MYH9: variants seen among roughly 807,000 people sequenced by gnomAD.
The protein encoded by MYH9 is myosin heavy chain 9.
Under a neutral mutation model 241.9 loss-of-function variants are expected in MYH9, and 29 were observed. The ratio of observed to expected loss-of-function variants is 0.12; its 90% CI spans 0.09 to 0.16. The LOEUF is 0.16. Ranked by LOEUF, MYH9 falls within the 10% of genes least tolerant of loss-of-function variation. The probability of loss-of-function intolerance (pLI) is 1.00; values close to 1 mark genes in which losing one functional copy is unlikely to be tolerated. For synonymous variants in MYH9, 1,047 were observed against 1,062.6 expected (o/e 0.99, Z 0.29); for missense variants, 1,803 against 2,595.5 (o/e 0.69, Z 6.63).
At chr22:36,325,984 G>A (rs1603483553) in intron 5 of MYH9, among the ~76,000 whole-genome samples, 1 of 152,196 alleles carries the variant, frequency 6.6e-6, no homozygotes, top group South Asian at 2.1e-4. Context: ...GGCAGAACAC[G>A]CATTCCCAGT....
chr22:36,343,574 C>T (rs1271811140), intron 2 of MYH9, among the ~76,000 whole-genome samples: 1 of 149,216 alleles, frequency 6.7e-6, no homozygotes, highest in Non-Finnish European at 1.5e-5. Context: ...AAAAGAGCAG[C>T]TGAGCTTAGA....
At chr22:36,383,626 A>C (rs544082656) in intron 1 of MYH9, among the ~76,000 whole-genome samples, 3 of 147,518 alleles carry the variant, frequency 2.0e-5, no homozygotes, top group African/African-American at 7.4e-5. Flanking sequence ...CAACCTGATA[A>C]CCTAGGGAGT....
intron 19 of MYH9, among the ~76,000 whole-genome samples, chr22:36,303,707 C>T (rs1318217317): frequency 6.9e-6 from 1 of 145,496 alleles, no homozygotes; most frequent in Non-Finnish European, 1.5e-5. Context: ...ATCACTTGAA[C>T]GTGGGAGGTG....
At position 36,306,325 on chromosome 22, in the gene MYH9, G is replaced by A. The variant is rs866876609; in HGVS notation, c.2037+89C>T. On this transcript the variant is annotated intron_variant, in intron 16 of 40. Transcript: ENST00000216181. This position sits in a 1 kb window ranked among gnomAD's most constrained non-coding sequence, Gnocchi z 4.1. ...AAGGCTCTGTGCATGCTGGGGGGCTGGAGGGGTGCTTTTGCTGGGGAGACA... is the reference window on the plus strand; with the variant it reads ...AAGGCTCTGTGCATGCTGGGGGGCTAGAGGGGTGCTTTTGCTGGGGAGACA... The A allele has an allele frequency of 6.5e-7, 1 of 1,526,884 alleles. No individual in the cohort carries two copies. Among genetic ancestry groups the A allele is most frequent in the South Asian group, 1.1e-5 (1 of 87,150 alleles). The allele number at this position is 1,526,884 out of a possible 1,614,324, so 94.6% of individuals were successfully genotyped here. A position where few individuals can be genotyped will look rare whatever the true frequency, so the allele number is the denominator to read the frequency against.
At chr22:36,371,526 A>AT (rs1307701815) in intron 1 of MYH9, among the ~76,000 whole-genome samples, 5 of 151,580 alleles carry the variant, frequency 3.3e-5, no homozygotes, top group African/African-American at 1.2e-4. Context: ...AGCCTGAGCA[A>AT]TTTTTTTTTA....
At chr22:36,298,590 C>T (rs967457243) in intron 24 of MYH9, among the ~76,000 whole-genome samples, 12 of 152,086 alleles carry the variant, frequency 7.9e-5, no homozygotes, top group Non-Finnish European at 1.3e-4. Flanking sequence ...GGGTCAAACC[C>T]GGAGCCTCCT....
intron 31 of MYH9, among the ~76,000 whole-genome samples, chr22:36,290,804 G>A (rs927424944): frequency 9.3e-5 from 14 of 150,542 alleles, no homozygotes; most frequent in South Asian, 2.1e-4. Flanking sequence ...CCGCCGCCCC[G>A]TCTGGGATGT....
In MYH9 at chr22:36,353,770, T is replaced by C. The variant is rs1016943596; in HGVS notation, c.-19-4515A>G. Among the ~76,000 whole-genome samples the C allele has an allele frequency of 1.6e-4, 18 of 109,638 alleles. 1 individual carries two copies. The highest frequency in any genetic ancestry group is 5.6e-4 in the African/African-American group (18 of 31,928). The allele number at this position is 109,638 out of a possible 152,430, so 71.9% of individuals were successfully genotyped here. A position where few individuals can be genotyped will look rare whatever the true frequency, so the allele number is the denominator to read the frequency against. The stretch of plus-strand genomic sequence containing the variant: ...CCCGCCTTGCAAAATCAGTTTTCTC[T>C]TTCTTTTCGTGGTCCTTTCTGGACC... On this transcript the variant is annotated intron_variant, in intron 1 of 40. Transcript: ENST00000216181.
rs149113660 is a variant in MYH9 at position 36,294,173 on chromosome 22, C to T, written c.3756G>A (p.Ala1252=). The T allele has an allele frequency of 8.1e-6, 13 of 1,613,606 alleles. No homozygotes were observed. Among genetic ancestry groups the T allele is most frequent in the African/African-American group, 2.7e-5 (2 of 74,950 alleles). Reference sequence around the variant, plus strand: ...ACTTGACCTGCAGCTCCTGCAGCTGCGCCTCCACTTTCTTGCGCTTGTGCT... The same window carrying T: ...ACTTGACCTGCAGCTCCTGCAGCTGTGCCTCCACTTTCTTGCGCTTGTGCT... ...DSEHKRKKVE[A]QLQELQVKFN... The change falls in exon 28 of 41, where the codon GCG becomes GCA. Residue 1252 remains alanine (A), a synonymous_variant. Transcript: ENST00000216181.
intron 1 of MYH9, among the ~76,000 whole-genome samples, chr22:36,358,114 G>C (rs2017884244): frequency 6.6e-6 from 1 of 152,172 alleles, no homozygotes; most frequent in Admixed American, 6.5e-5. Flanking sequence ...CATCAGGCTG[G>C]AATGCAGTGG....
intron 9 of MYH9, 76 bp from the exon 10 acceptor site, chr22:36,319,711 A>C (rs1220895673): frequency 7.1e-7 from 1 of 1,417,780 alleles, no homozygotes; most frequent in Admixed American, 1.8e-5. Context: ...CCACTCATCT[A>C]GGGATCCTCA....
intron 38 of MYH9, 138 bp from the exon 39 acceptor site, chr22:36,284,649 A>G (rs890449155): frequency 6.3e-6 from 5 of 795,940 alleles, no homozygotes; most frequent in Admixed American, 4.0e-5. Context: ...CTAGACACCT[A>G]TGTGTACCCG....
chr22:36,315,473 A>G (rs952522680), intron 12 of MYH9, among the ~76,000 whole-genome samples: 4 of 152,116 alleles, frequency 2.6e-5, no homozygotes, highest in African/African-American at 9.7e-5. Context: ...ATGCTCAGGG[A>G]ATATTTGCTG....
chr22:36,284,075 G>A lies in MYH9; in HGVS notation c.5765+18C>T. 3 of 1,613,660 alleles carry A rather than the reference G, an allele frequency of 1.9e-6. No individual in the cohort carries two copies. The highest frequency in any genetic ancestry group is 2.5e-6 in the Non-Finnish European group (3 of 1,179,832). On this transcript the variant is annotated intron_variant, in intron 40 of 40. Transcript: ENST00000216181. ...GAGAAGTGCCGAGGCAAAGGGGCGG[G>A]TGGGCAGGGCGGCTCACCTGAGCTT...
rs373824391 is a variant in MYH9 at position 36,333,335 on chromosome 22, T to C, written c.491-5847A>G. ...GAAGGAAAGGCATGTCGGTGACTGT[T>C]AGGCTAGGATTCACTCCTGGAGCAC... On this transcript the variant is annotated intron_variant, in intron 3 of 40. Coordinates refer to ENST00000216181, the MANE Select transcript of MYH9 (RefSeq NM_002473.6). Among the ~76,000 whole-genome samples, 25 of 152,254 alleles carry C rather than the reference T, an allele frequency of 1.6e-4. No individual in the cohort carries two copies. In the East Asian group the frequency reaches 4.2e-3, roughly 26 times the overall value.
chr22:36,351,158 T>A (rs189829668), intron 1 of MYH9, among the ~76,000 whole-genome samples: 1 of 152,292 alleles, frequency 6.6e-6, no homozygotes, highest in East Asian at 1.9e-4. Flanking sequence ...CTGGACTCAC[T>A]CCAGAAGGGG....
chr22:36,286,064 C>A, intron 35 of MYH9, 111 bp from the exon 36 acceptor site: 1 of 1,159,124 alleles, frequency 8.6e-7, no homozygotes, highest in South Asian at 1.3e-5. Context: ...CACCTCCCCA[C>A]GAAGCCCTTC....
rs2016642123 is a variant in MYH9 at position 36,289,136 on chromosome 22, G to C, written c.4506C>G (p.Phe1502Leu). The change falls in exon 32 of 41, where the codon TTC (phenylalanine) becomes TTG (leucine). Residue 1502 changes from phenylalanine to leucine, a missense_variant. Around this residue, in one of 11 missense-constraint regions of MYH9, gnomAD observed 876 missense variants for 1,077.8 expected, o/e 0.81. Transcript: ENST00000216181. ...TCATAAGGTCCTCCATCTCCGTGCGGAACTGCTTGTTGAGCCGCTCCAGCT... is the reference window on the plus strand; with the variant it reads ...TCATAAGGTCCTCCATCTCCGTGCGCAACTGCTTGTTGAGCCGCTCCAGCT... Reference protein sequence around the residue: ...KAELERLNKQFRTEMEDLMSS... With the variant: ...KAELERLNKQLRTEMEDLMSS... The C allele has an allele frequency of 1.9e-6, 3 of 1,613,970 alleles. No homozygotes were observed. The highest frequency in any genetic ancestry group is 1.7e-5 in the Admixed American group (1 of 60,010).
chr22:36,291,738 G>C (rs2016707875), intron 31 of MYH9, among the ~76,000 whole-genome samples: 1 of 139,048 alleles, frequency 7.2e-6, no homozygotes, highest in African/African-American at 2.7e-5. Context: ...GAGAAAATCT[G>C]AAAAATGTAA....
Sources: allele counts gnomAD v4.1 joint callset (sites outside exome capture counted in the v4.1 genomes callset), GRCh38; gene constraint gnomAD v4.1.1; regional missense constraint gnomAD v4.1.1; non-coding constraint Gnocchi (gnomAD v3.1); transcripts MANE v1.5; gene names NCBI Gene and HGNC (gene_info 2026-07-23, HGNC 2026-07-21).